KLHL4: variants seen among roughly 807,000 people sequenced by gnomAD.
The protein encoded by KLHL4 is kelch like family member 4.
Under a neutral mutation model 45.8 loss-of-function variants are expected in KLHL4, and 17 were observed. The observed-to-expected ratio is 0.37, with a 90% CI of 0.25 to 0.56. The LOEUF is 0.56. KLHL4 is among the 20% of genes least tolerant of loss of function. The pLI, the probability that KLHL4 is intolerant of heterozygous loss-of-function variation, is 0.79. For synonymous variants in KLHL4, 224 were observed against 189.9 expected (o/e 1.18, Z -1.47); for missense variants, 544 against 544.9 (o/e 1.00, Z 0.02).
chrX:87,558,240 G>C (rs1390411112), intron 1 of KLHL4, among the ~76,000 whole-genome samples: 1 of 110,942 alleles, frequency 9.0e-6, no homozygotes, highest in Non-Finnish European at 1.9e-5. Flanking sequence ...TTTATTTGCT[G>C]TTGTGACTGG....
intron 9 of KLHL4, 103 bp downstream of exon 9, chrX:87,635,878 T>C (rs755818812): frequency 3.9e-5 from 21 of 539,897 alleles, no homozygotes; most frequent in Non-Finnish European, 6.0e-5. Context: ...TTTAGTTCTA[T>C]GCCCACTGTA....
chrX:87,662,954 A>T (rs1924247380), intron 9 of KLHL4, among the ~76,000 whole-genome samples: 1 of 107,277 alleles, frequency 9.3e-6, no homozygotes, highest in Non-Finnish European at 1.9e-5. Context: ...AAAGCCACTT[A>T]AAGGTCCATC....
chrX:87,534,622 A>G (rs1163644696), intron 1 of KLHL4, among the ~76,000 whole-genome samples: 1 of 111,010 alleles, frequency 9.0e-6, no homozygotes, highest in Non-Finnish European at 1.9e-5. Flanking sequence ...ACAGAAATGG[A>G]GGTCCTTCCC....
chrX:87,520,263 G>A (rs1930974553), intron 1 of KLHL4, among the ~76,000 whole-genome samples: 1 of 112,370 alleles, frequency 8.9e-6, no homozygotes. Flanking sequence ...CTCTTCTTGA[G>A]CAATATTGAG....
rs775963595 is a variant in KLHL4 at position 87,637,243 on chromosome X, C to T, written c.1925+1468C>T. Among the ~76,000 whole-genome samples, 6 of 111,442 alleles carry T rather than the reference C, an allele frequency of 5.4e-5. No individual in the cohort carries two copies. In the South Asian group the frequency reaches 2.3e-3, roughly 43 times the overall value. ...TCCAGAACAGAAATAGCAATCACTG[C>T]AGTTTGGTGCTCAGGAAGCCCCATC... is the stretch of plus-strand genomic sequence containing the variant. On this transcript the variant is annotated intron_variant, in intron 9 of 10. Coordinates refer to ENST00000373119, the MANE Select transcript of KLHL4 (RefSeq NM_019117.5).
At chrX:87,656,343 A>G (rs1923988106) in intron 9 of KLHL4, among the ~76,000 whole-genome samples, 1 of 110,184 alleles carries the variant, frequency 9.1e-6, no homozygotes, top group African/African-American at 3.3e-5. Flanking sequence ...GACATTTTAC[A>G]TAGTTCCATA....
intron 1 of KLHL4, among the ~76,000 whole-genome samples, chrX:87,581,423 C>T (rs1429903402): frequency 8.9e-6 from 1 of 112,460 alleles, no homozygotes; most frequent in Non-Finnish European, 1.9e-5. Flanking sequence ...CTGTGTGAGA[C>T]GTCCCAACCA....
intron 1 of KLHL4, among the ~76,000 whole-genome samples, chrX:87,595,021 T>TC (rs1921794262): frequency 5.7e-5 from 4 of 69,889 alleles, no homozygotes; most frequent in African/African-American, 2.0e-4. Flanking sequence ...CCTTCTCTCT[T>TC]TTTTTTTTTT....
intron 1 of KLHL4, among the ~76,000 whole-genome samples, chrX:87,518,979 A>G (rs1482198420): frequency 8.9e-6 from 1 of 112,065 alleles, no homozygotes; most frequent in Non-Finnish European, 1.9e-5. Context: ...TGAAAATTGA[A>G]TAAACAGTGA....
chrX:87,643,878 A>T (rs994292791), intron 9 of KLHL4, among the ~76,000 whole-genome samples: 1 of 111,895 alleles, frequency 8.9e-6, no homozygotes, highest in Non-Finnish European at 1.9e-5. Context: ...TCTCAGCAGA[A>T]TCAGCATACA....
chrX:87,633,013 C>T (rs886733640), intron 7 of KLHL4, among the ~76,000 whole-genome samples: 10 of 110,948 alleles, frequency 9.0e-5, no homozygotes, highest in East Asian at 5.7e-4. Context: ...AAATAATACA[C>T]GATATAATTA....
chrX:87,641,979 G>T (rs914311222), intron 9 of KLHL4, among the ~76,000 whole-genome samples: 2 of 107,747 alleles, frequency 1.9e-5, no homozygotes, highest in Non-Finnish European at 3.9e-5. Context: ...AAGACAAAGG[G>T]CATATAATCT....
chrX:87,641,658 G>A (rs1260622028), intron 9 of KLHL4, among the ~76,000 whole-genome samples: 6 of 111,296 alleles, frequency 5.4e-5, no homozygotes, highest in African/African-American at 1.3e-4. Flanking sequence ...TTTCAAGCCC[G>A]TCTCGTCCTC....
At position 87,638,639 on chromosome X, in the gene KLHL4, G is replaced by A. The variant is rs143763849; in HGVS notation, c.1925+2864G>A. Among the ~76,000 whole-genome samples, 402 of 111,601 alleles carry A rather than the reference G, an allele frequency of 3.6e-3. 2 individuals are homozygous for A. The highest frequency in any genetic ancestry group is 5.9e-3 in the Non-Finnish European group (314 of 53,017). On this transcript the variant is annotated intron_variant, in intron 9 of 10. Transcript: ENST00000373119. The stretch of plus-strand genomic sequence containing the variant: ...TAGAGTCTTTTTTAGACAAACAAAT[G>A]CTGAGAGAATTTGCCACTATGAAGC...
At chrX:87,586,905 A>T (rs186673464) in intron 1 of KLHL4, among the ~76,000 whole-genome samples, 4 of 109,995 alleles carry the variant, frequency 3.6e-5, no homozygotes, top group African/African-American at 1.3e-4. Flanking sequence ...TAGAGAAAAT[A>T]TCCAAATTAA....
intron 1 of KLHL4, among the ~76,000 whole-genome samples, chrX:87,582,438 C>A (rs1921314859): frequency 9.0e-6 from 1 of 111,376 alleles, no homozygotes; most frequent in South Asian, 3.7e-4. Context: ...CCTGTAAGAG[C>A]AGAAAGAAAA....
At chrX:87,651,731 C>G (rs192854546) in intron 9 of KLHL4, among the ~76,000 whole-genome samples, 2 of 112,147 alleles carry the variant, frequency 1.8e-5, no homozygotes, top group Admixed American at 9.4e-5. Context: ...GCCTCCCTCC[C>G]AGGTGCTTTC....
At chrX:87,619,373 C>G (rs1922672888) in intron 4 of KLHL4, among the ~76,000 whole-genome samples, 1 of 111,569 alleles carries the variant, frequency 9.0e-6, no homozygotes, top group East Asian at 2.8e-4. Flanking sequence ...ACTTCCCACC[C>G]TAGGTCCATT....
intron 9 of KLHL4, among the ~76,000 whole-genome samples, chrX:87,650,962 A>G (rs773575091): frequency 9.0e-6 from 1 of 111,684 alleles, no homozygotes; most frequent in East Asian, 2.8e-4. Flanking sequence ...AAAGAACAGT[A>G]TGAGGGAAAC....
Sources: gnomAD v4.1 joint callset for allele counts (sites outside exome capture counted in the v4.1 genomes callset) on GRCh38, gnomAD v4.1.1 for gene constraint, MANE v1.5 for transcripts, NCBI Gene and HGNC (gene_info 2026-07-23, HGNC 2026-07-21) for gene names.